Variants in USO1 observed in about 807,000 individuals in gnomAD.
The protein encoded by USO1 is USO1 vesicle transport factor.
A neutral mutation model predicts 124.5 loss-of-function variants in USO1; 57 were observed. The observed-to-expected ratio is 0.46, with a 90% CI of 0.37 to 0.57. USO1 has a LOEUF of 0.57. Among genes scored for constraint, USO1 ranks in the 20% least tolerant of loss-of-function variants. USO1 has a pLI of 0.00. For synonymous variants in USO1, 369 were observed against 362.8 expected, an observed-to-expected ratio of 1.02 and a Z score of -0.19; for missense variants, 900 against 1,040.6, an observed-to-expected ratio of 0.86 and a Z score of 1.86.
chr4:75,767,605 G>A (rs369086521), intron 4 of USO1: 22 of 285,844 alleles, frequency 7.7e-5, no homozygotes, highest in Middle Eastern at 1.3e-3. Context: ...TTAGCCGGGC[G>A]TGGTAGCAGG....
intron 1 of USO1, among the ~76,000 whole-genome samples, chr4:75,743,747 A>C (rs942177114): frequency 5.9e-5 from 9 of 152,150 alleles, no homozygotes; most frequent in African/African-American, 2.2e-4. Flanking sequence ...AAATACAATA[A>C]AAATCAATTA....
Position 75,724,687 on chromosome 4 carries a change from G to C in USO1, c.-133G>C. 1 of 871,648 alleles carries C rather than the reference G, an allele frequency of 1.1e-6. No homozygotes were observed. The highest frequency in any genetic ancestry group is 1.8e-5 in the African/African-American group (1 of 57,106). The allele number at this position is 871,648 out of a possible 1,614,324, so 54.0% of individuals were successfully genotyped here. On this transcript the variant is annotated 5_prime_UTR_variant, in exon 1 of 24. Transcript: ENST00000514213. ...GGCTTAGAGGGCTGGAGTGGCCGCCGAGTTGGAGGCGGTGGTGGCAGCAGT... is the reference window on the plus strand; with the variant it reads ...GGCTTAGAGGGCTGGAGTGGCCGCCCAGTTGGAGGCGGTGGTGGCAGCAGT...
intron 1 of USO1, among the ~76,000 whole-genome samples, chr4:75,743,852 C>T (rs938734266): frequency 1.3e-5 from 2 of 152,202 alleles, no homozygotes; most frequent in African/African-American, 4.8e-5. Context: ...TCTTGGCTCA[C>T]TGCAAGCTCC....
chr4:75,802,468 T>C (rs1577972292), intron 17 of USO1, among the ~76,000 whole-genome samples: 1 of 152,330 alleles, frequency 6.6e-6, no homozygotes, highest in East Asian at 1.9e-4. Flanking sequence ...GAAATGTTCA[T>C]TTTAAATATT....
chr4:75,803,649 CAA>C (rs540083885), intron 17 of USO1, among the ~76,000 whole-genome samples: 12 of 82,354 alleles, frequency 1.5e-4, no homozygotes, highest in Admixed American at 4.1e-4. Flanking sequence ...AACTCCGTCT[CAA>C]AAAAAAAAAA....
intron 1 of USO1, among the ~76,000 whole-genome samples, chr4:75,728,185 T>G (rs565881156): frequency 5.3e-5 from 8 of 152,296 alleles, no homozygotes; most frequent in African/African-American, 1.9e-4. Flanking sequence ...AAGGGATTTT[T>G]TCATATTTAC....
chr4:75,806,519 T>C lies in USO1; in HGVS notation c.2323T>C (p.Ser775Pro). Residue 775 changes from serine to proline, a missense_variant, in exon 20 of 24, where the codon TCT (serine) becomes CCT (proline). Physicochemically the swap from Ser to Pro is moderately conservative, Grantham distance 74 (BLOSUM62 -1). Coordinates refer to ENST00000514213, the MANE Select transcript of USO1 (RefSeq NM_003715.4). ...CCAAACATCTGGCACAAATGAACAG[T>C]CTTCAGCAATAGTTTCAGCTAGAGA... ...SSQTSGTNEQSSAIVSARDSE... is the reference protein window; with the variant it reads ...SSQTSGTNEQPSAIVSARDSE... 1 of 1,561,968 alleles carries C rather than the reference T, an allele frequency of 6.4e-7. No individual in the cohort carries two copies. The highest frequency in any genetic ancestry group is 8.7e-7 in the Non-Finnish European group (1 of 1,151,904).
chr4:75,724,847 G>A lies in USO1; in HGVS notation c.28G>A (p.Gly10Ser), dbSNP rs751960694. 4 of 1,613,826 alleles carry A rather than the reference G, an allele frequency of 2.5e-6. No individual in the cohort carries two copies. The Admixed American group carries it at 5.0e-5, about 20-fold the overall frequency. ...GAATTTCCTCCGCGGGGTAATGGGG[G>A]GTCAGAGTGCCGGACCCCAGCACAC... Reference protein sequence around the residue: MNFLRGVMGGQSAGPQHTEA... With the variant: MNFLRGVMGSQSAGPQHTEA... Residue 10 changes from glycine to serine, a missense_variant, in exon 1 of 24, where the codon GGT (glycine) becomes AGT (serine). This residue lies in a region of USO1 where 538 missense variants were observed against 681.6 expected (regional missense o/e 0.79). Transcript: ENST00000514213.
chr4:75,812,253 G>C lies in USO1; in HGVS notation c.2677G>C (p.Asp893His). 2 of 1,609,582 alleles carry C rather than the reference G, an allele frequency of 1.2e-6. No individual in the cohort carries two copies. The highest frequency in any genetic ancestry group is 1.7e-6 in the Non-Finnish European group (2 of 1,177,870). ...STIAILQTEKDKLELEITDSK... is the reference protein window; with the variant it reads ...STIAILQTEKHKLELEITDSK... ...CATTGCCATTTTACAAACTGAGAAA[G>C]ACAAACTAGAGTTGGAAATTACAGA... Residue 893 changes from aspartate (D) to histidine (H), a missense_variant, in exon 23 of 24, where the codon GAC becomes CAC. Asp to His is a moderately conservative substitution (Grantham distance 81, BLOSUM62 -1). This residue lies in a region of USO1 where 362 missense variants were observed against 359.0 expected (regional missense o/e 1.01). Transcript: ENST00000514213.
At chr4:75,807,195 A>G (rs941464617) in intron 20 of USO1, among the ~76,000 whole-genome samples, 4 of 152,172 alleles carry the variant, frequency 2.6e-5, no homozygotes, top group Admixed American at 6.5e-5. Context: ...GAAAAGAATC[A>G]AAAGAGAGAA....
chr4:75,797,928 A>C (rs931277690), intron 13 of USO1, among the ~76,000 whole-genome samples: 2 of 152,176 alleles, frequency 1.3e-5, no homozygotes, highest in African/African-American at 4.8e-5. Context: ...CAGGCACATT[A>C]ATTTTATAAA....
At chr4:75,762,089 T>C (rs1721622675) in intron 4 of USO1, among the ~76,000 whole-genome samples, 1 of 151,670 alleles carries the variant, frequency 6.6e-6, no homozygotes, top group South Asian at 2.1e-4. Flanking sequence ...TTCTACTTTC[T>C]AAAGATGAGA....
intron 22 of USO1, among the ~76,000 whole-genome samples, chr4:75,811,507 G>A (rs1015114184): frequency 2.0e-5 from 3 of 152,112 alleles, no homozygotes; most frequent in Non-Finnish European, 2.9e-5. Context: ...AAAACAAGGA[G>A]TACAAATTTA....
At chr4:75,786,691 G>C (rs1475490045) in intron 9 of USO1, among the ~76,000 whole-genome samples, 1 of 152,112 alleles carries the variant, frequency 6.6e-6, no homozygotes, top group African/African-American at 2.4e-5. Flanking sequence ...TTTCAGACCT[G>C]CTCTCTTACT....
Position 75,804,764 on chromosome 4 carries a change from T to G in USO1, c.2126-376T>G, listed in dbSNP as rs187256851. On this transcript the variant is annotated intron_variant, in intron 18 of 23. Coordinates refer to ENST00000514213, the MANE Select transcript of USO1 (RefSeq NM_003715.4). ...TGATATAATAAATGAAAAATTTAAG[T>G]TGTGCCTGGAAAATGGCAAGAGCTC... is the stretch of plus-strand genomic sequence containing the variant. 1.2e-4 allele frequency among the ~76,000 whole-genome samples: 19 copies of G among 152,336 alleles called. No homozygotes were observed. In the East Asian group the frequency reaches 3.1e-3, roughly 25 times the overall value.
chr4:75,735,186 T>C (rs1720753810), intron 1 of USO1, among the ~76,000 whole-genome samples: 1 of 152,088 alleles, frequency 6.6e-6, no homozygotes, highest in Non-Finnish European at 1.5e-5. Context: ...TGTGTGTGTC[T>C]GTCTGTCTGT....
chr4:75,805,342 G>T, intron 19 of USO1, 39 bp downstream of exon 19: 2 of 1,497,136 alleles, frequency 1.3e-6, no homozygotes, highest in South Asian at 2.8e-5. Context: ...AAGAGTTCAA[G>T]AGTGGTTCTC....
intron 13 of USO1, among the ~76,000 whole-genome samples, chr4:75,794,481 T>C (rs992096421): frequency 6.6e-6 from 1 of 152,270 alleles, no homozygotes; most frequent in African/African-American, 2.4e-5. Flanking sequence ...CAAAGCTTTA[T>C]TGAAGTGTAG....
chr4:75,805,747 A>G (rs1722981128), intron 19 of USO1, among the ~76,000 whole-genome samples: 1 of 151,426 alleles, frequency 6.6e-6, no homozygotes, highest in Admixed American at 6.6e-5. Flanking sequence ...GATGAGCTTT[A>G]GAGTCAAACT....
Sources: allele counts gnomAD v4.1 joint callset (sites outside exome capture counted in the v4.1 genomes callset), GRCh38; gene constraint gnomAD v4.1.1; regional missense constraint gnomAD v4.1.1; transcripts MANE v1.5; gene names NCBI Gene and HGNC (gene_info 2026-07-23, HGNC 2026-07-21).